The following PXDNL variants were observed in gnomAD, a reference collection of about 807,000 sequenced individuals.
PXDNL encodes peroxidasin like, also known as probable oxidoreductase PXDNL.
PXDNL carries 145 observed loss-of-function variants against 150.8 expected under a neutral mutation model. That is an observed-to-expected ratio of 0.96 (90% confidence interval 0.84 to 1.10). PXDNL has a LOEUF of 1.10. PXDNL is among the 50% of genes least tolerant of loss of function. The probability of loss-of-function intolerance (pLI) is 0.00; values close to 1 mark genes in which losing one functional copy is unlikely to be tolerated. For synonymous variants in PXDNL, 757 were observed against 725.7 expected (o/e 1.04, Z -0.69); for missense variants, 2,087 against 1,873.9 (o/e 1.11, Z -2.10).
rs899482629 is a variant in PXDNL, at chr8:51,368,744, A to C, written c.3901+3129T>G. ...GGCATGGTGGTTCACACCTGTAATC[A>C]CAGCAATTTGGGAGGCTGAGGCAGG... On this transcript the variant is annotated intron_variant, in intron 19 of 22. Coordinates refer to ENST00000356297, the MANE Select transcript of PXDNL (RefSeq NM_144651.5). 3.3e-5 allele frequency among the ~76,000 whole-genome samples: 5 copies of C among 152,178 alleles called. No homozygotes were observed. In the South Asian group the frequency reaches 6.2e-4, roughly 19 times the overall value.
At chr8:51,341,956 T>A (rs1205760040) in intron 20 of PXDNL, among the ~76,000 whole-genome samples, 1 of 152,194 alleles carries the variant, frequency 6.6e-6, no homozygotes, top group African/African-American at 2.4e-5. Flanking sequence ...CGCCTGGGTA[T>A]ACAGCCAAAA....
At chr8:51,364,647 G>T (rs910454979) in intron 19 of PXDNL, among the ~76,000 whole-genome samples, 2 of 152,202 alleles carry the variant, frequency 1.3e-5, no homozygotes, top group African/African-American at 4.8e-5. Context: ...AAGATGAAGG[G>T]CCAGTGTAAG....
intron 12 of PXDNL, among the ~76,000 whole-genome samples, chr8:51,439,386 T>A (rs1025177956): frequency 1.9e-4 from 29 of 152,050 alleles, no homozygotes; most frequent in African/African-American, 6.8e-4. Context: ...ACCACCTTAC[T>A]CCTGCAAGAA....
At chr8:51,732,937 C>T (rs181214788) in intron 1 of PXDNL, among the ~76,000 whole-genome samples, 1 of 152,272 alleles carries the variant, frequency 6.6e-6, no homozygotes, top group Non-Finnish European at 1.5e-5. Flanking sequence ...GGGACACAGC[C>T]AAACCATATC....
At chr8:51,383,944 G>T (rs1160033509) in intron 17 of PXDNL, among the ~76,000 whole-genome samples, 1 of 152,142 alleles carries the variant, frequency 6.6e-6, no homozygotes, top group African/African-American at 2.4e-5. Context: ...TCTTTTCAGG[G>T]TTATACATGC....
At chr8:51,422,865 T>C (rs1249911107) in intron 14 of PXDNL, among the ~76,000 whole-genome samples, 3 of 152,234 alleles carry the variant, frequency 2.0e-5, no homozygotes, top group Non-Finnish European at 4.4e-5. Context: ...TAACAGCCTG[T>C]GTCCACTTGT....
At chr8:51,352,369 G>A (rs1806378705) in intron 19 of PXDNL, among the ~76,000 whole-genome samples, 1 of 152,044 alleles carries the variant, frequency 6.6e-6, no homozygotes, top group African/African-American at 2.4e-5. Context: ...TAAAAAATGT[G>A]GTATATATAC....
chr8:51,644,073 G>C (rs369454007), intron 2 of PXDNL, among the ~76,000 whole-genome samples: 1 of 151,608 alleles, frequency 6.6e-6, no homozygotes, highest in Admixed American at 6.6e-5. Flanking sequence ...GTGAACCTGG[G>C]AGGCAGAGCT....
intron 1 of PXDNL, among the ~76,000 whole-genome samples, chr8:51,681,073 A>C (rs1815740186): frequency 6.6e-6 from 1 of 152,102 alleles, no homozygotes; most frequent in Non-Finnish European, 1.5e-5. Context: ...GGATCTTAAG[A>C]CTGTCGATTC....
At chr8:51,582,918 A>G (rs1402446130) in intron 3 of PXDNL, among the ~76,000 whole-genome samples, 1 of 152,056 alleles carries the variant, frequency 6.6e-6, no homozygotes, top group Non-Finnish European at 1.5e-5. Flanking sequence ...GCTGATCTAC[A>G]CATAATCAAT....
intron 17 of PXDNL, among the ~76,000 whole-genome samples, chr8:51,385,811 A>C (rs1807691404): frequency 6.6e-6 from 1 of 152,134 alleles, no homozygotes; most frequent in Non-Finnish European, 1.5e-5. Flanking sequence ...TGGTTTTATA[A>C]GGGGTTTCTC....
chr8:51,505,808 C>A (rs1811273135), intron 4 of PXDNL, among the ~76,000 whole-genome samples: 1 of 152,214 alleles, frequency 6.6e-6, no homozygotes, highest in Non-Finnish European at 1.5e-5. Context: ...GGAGATCCAC[C>A]ATGTCCTGCC....
intron 16 of PXDNL, among the ~76,000 whole-genome samples, chr8:51,410,512 T>A (rs1808599431): frequency 6.6e-6 from 1 of 152,134 alleles, no homozygotes; most frequent in South Asian, 2.1e-4. Flanking sequence ...TTAGAGAAAT[T>A]GTACAGAGCT....
At chr8:51,610,550 C>T (rs1813978689) in intron 2 of PXDNL, among the ~76,000 whole-genome samples, 1 of 152,086 alleles carries the variant, frequency 6.6e-6, no homozygotes, top group Non-Finnish European at 1.5e-5. Flanking sequence ...TATTAATTTT[C>T]TATTGCTATA....
intron 5 of PXDNL, among the ~76,000 whole-genome samples, chr8:51,488,454 C>T (rs1810816564): frequency 6.6e-6 from 1 of 152,090 alleles, no homozygotes; most frequent in Admixed American, 6.5e-5. Flanking sequence ...CCATACAGAA[C>T]ACCGACAGCT....
intron 1 of PXDNL, among the ~76,000 whole-genome samples, chr8:51,706,306 A>G (rs930102245): frequency 6.6e-6 from 1 of 151,768 alleles, no homozygotes; most frequent in Non-Finnish European, 1.5e-5. Flanking sequence ...GGTGATAATG[A>G]GAGCGAAACT....
At chr8:51,722,647 A>T (rs1257467041) in intron 1 of PXDNL, among the ~76,000 whole-genome samples, 1 of 152,118 alleles carries the variant, frequency 6.6e-6, no homozygotes. Context: ...TTGGCTGCCC[A>T]GTGGCCAATC....
rs1198769008 is a variant in PXDNL at position 51,494,606 on chromosome 8, C to T, written c.452+5093G>A. 5.3e-5 allele frequency among the ~76,000 whole-genome samples: 8 copies of T among 151,910 alleles called. No individual in the cohort carries two copies. In the East Asian group the frequency reaches 9.7e-4, roughly 18 times the overall value. On this transcript the variant is annotated intron_variant, in intron 5 of 22. Coordinates refer to ENST00000356297, the MANE Select transcript of PXDNL (RefSeq NM_144651.5). ...GAAGATCTACCAAGCAAATAGAAAA[C>T]AACAAAAGGCAGGGGTTGCAATCCT...
intron 1 of PXDNL, among the ~76,000 whole-genome samples, chr8:51,670,494 G>A (rs1024265802): frequency 2.0e-5 from 3 of 152,056 alleles, no homozygotes; most frequent in African/African-American, 7.2e-5. Context: ...TTATTGTACT[G>A]AATATTGTAG....
Sources: gnomAD v4.1 joint callset for allele counts (sites outside exome capture counted in the v4.1 genomes callset) on GRCh38, gnomAD v4.1.1 for gene constraint, MANE v1.5 for transcripts, NCBI Gene and HGNC (gene_info 2026-07-23, HGNC 2026-07-21) for gene names.